Variants in NUP210L observed in about 807,000 individuals in gnomAD.
The protein encoded by NUP210L is nuclear pore membrane glycoprotein 210-like.
A neutral mutation model predicts 208.5 loss-of-function variants in NUP210L; 74 were observed. The observed-to-expected ratio is 0.35, with a 90% CI of 0.29 to 0.43. The LOEUF (loss-of-function observed/expected upper bound fraction) is 0.43, where lower values mean the gene tolerates loss of function less well. NUP210L is among the 20% of genes least tolerant of loss of function. The pLI is 1.00. For synonymous variants in NUP210L, 780 were observed against 816.9 expected, an observed-to-expected ratio of 0.95 and a Z score of 0.77; for missense variants, 1,843 against 2,289.4, an observed-to-expected ratio of 0.81 and a Z score of 3.98.
At chr1:154,139,709 C>A in intron 5 of NUP210L, 93 bp downstream of exon 5, 4 of 854,936 alleles carry the variant, frequency 4.7e-6, no homozygotes, top group South Asian at 1.8e-5. Flanking sequence ...AAAAACAGGG[C>A]GGGTAGTGCA....
At chr1:154,031,316 C>T (rs1652203945) in intron 27 of NUP210L, among the ~76,000 whole-genome samples, 1 of 152,158 alleles carries the variant, frequency 6.6e-6, no homozygotes, top group Non-Finnish European at 1.5e-5. Flanking sequence ...TCTCGAACTC[C>T]TGACCTCAGA....
At chr1:154,050,355 A>AAGG (rs1460229543) in intron 25 of NUP210L, among the ~76,000 whole-genome samples, 1 of 152,216 alleles carries the variant, frequency 6.6e-6, no homozygotes, top group Admixed American at 6.5e-5. Context: ...ACAATTAACA[A>AAGG]AGGAGGCTGA....
chr1:154,138,451 A>G (rs1658660967), intron 5 of NUP210L, among the ~76,000 whole-genome samples: 1 of 152,218 alleles, frequency 6.6e-6, no homozygotes, highest in Admixed American at 6.5e-5. Context: ...TAAGATACTC[A>G]GACTTAGAAC....
intron 5 of NUP210L, 111 bp downstream of exon 5, chr1:154,139,687 CAAAA>C (rs879154434): frequency 9.8e-4 from 533 of 541,148 alleles, no homozygotes; most frequent in Middle Eastern, 1.6e-3. Flanking sequence ...AACAAACAAA[CAAAA>C]AAAAAAAAAA....
intron 15 of NUP210L, among the ~76,000 whole-genome samples, chr1:154,094,504 TA>T (rs1656090435): frequency 2.0e-5 from 3 of 152,170 alleles, no homozygotes; most frequent in Non-Finnish European, 4.4e-5. Context: ...CTGATAGAGA[TA>T]AAATATATTT....
At chr1:154,140,361 A>AAAAAAG (rs1221526682) in intron 4 of NUP210L, among the ~76,000 whole-genome samples, 6 of 144,392 alleles carry the variant, frequency 4.2e-5, no homozygotes, top group Non-Finnish European at 9.1e-5. Flanking sequence ...AAAAAAAAAA[A>AAAAAAG]AAAAAGAAAA....
chr1:154,058,741 A>G (rs4845591), intron 20 of NUP210L, 48 bp from the exon 21 acceptor site: 133,347 of 1,588,366 alleles, frequency 0.084, 9,903 homozygotes, highest in African/African-American at 0.33. Flanking sequence ...ACATGCTCCA[A>G]GCATAATCAA....
At chr1:154,019,795 G>A (rs981278076) in intron 32 of NUP210L, among the ~76,000 whole-genome samples, 4 of 151,982 alleles carry the variant, frequency 2.6e-5, no homozygotes, top group South Asian at 2.1e-4. Flanking sequence ...GCGTGGTGGC[G>A]CATGCCTCTA....
At chr1:154,095,656 A>G (rs1656143006) in intron 14 of NUP210L, among the ~76,000 whole-genome samples, 1 of 152,126 alleles carries the variant, frequency 6.6e-6, no homozygotes. Flanking sequence ...CTGCATAAGC[A>G]TTTTTTTCAG....
intron 37 of NUP210L, among the ~76,000 whole-genome samples, chr1:154,000,438 T>G (rs888869414): frequency 1.3e-5 from 2 of 152,212 alleles, no homozygotes; most frequent in Non-Finnish European, 2.9e-5. Context: ...CTTTCCAGCT[T>G]CTTTTTGGCA....
At chr1:154,121,017 ATCT>A (rs371939420) in intron 10 of NUP210L, among the ~76,000 whole-genome samples, 9 of 152,192 alleles carry the variant, frequency 5.9e-5, no homozygotes, top group African/African-American at 2.2e-4. Context: ...TGGTAGTGAG[ATCT>A]TCTTCAAGGA....
intron 27 of NUP210L, among the ~76,000 whole-genome samples, chr1:154,033,994 G>C (rs1019109830): frequency 6.6e-6 from 1 of 152,058 alleles, no homozygotes; most frequent in African/African-American, 2.4e-5. Context: ...CATGATCTCA[G>C]CTCACTGCAA....
rs541813574 is a variant in NUP210L, at chr1:154,103,683, A to G, written c.1819+329T>C. On this transcript the variant is annotated intron_variant, in intron 13 of 39. Coordinates refer to ENST00000368559, the Ensembl canonical transcript of NUP210L. ...CGAGACTCCGTCTCAAAAAAAAAAA[A>G]AAAAAGAAAAAAAAAAACAAAAGCG... Among the ~76,000 whole-genome samples, 220 of 150,654 alleles carry G rather than the reference A, an allele frequency of 1.5e-3. 1 individual carries two copies. The highest frequency in any genetic ancestry group is 4.4e-3 in the African/African-American group (181 of 41,344).
At chr1:154,126,675 T>C (rs1657996096) in intron 9 of NUP210L, among the ~76,000 whole-genome samples, 1 of 152,144 alleles carries the variant, frequency 6.6e-6, no homozygotes, top group South Asian at 2.1e-4. Context: ...ATGGCAAACA[T>C]CAGGAATAGC....
intron 33 of NUP210L, among the ~76,000 whole-genome samples, chr1:154,018,125 C>T (rs1457848827): frequency 6.6e-6 from 1 of 151,954 alleles, no homozygotes; most frequent in Non-Finnish European, 1.5e-5. Flanking sequence ...ATGTGAGCCA[C>T]CAGGCCCGGC....
At chr1:153,995,835 CA>C in intron 37 of NUP210L, 1 of 613,566 alleles carries the variant, frequency 1.6e-6, no homozygotes. Flanking sequence ...CGAGATTGTC[CA>C]AAACAACATG....
chr1:154,018,922 G>A lies in NUP210L; in HGVS notation c.4653+11C>T. On this transcript the variant is annotated intron_variant, in intron 33 of 39. Transcript: ENST00000368559. ...CCCTAGTCTCTTAAACTCTGATACA[G>A]TTATGTTTACCTCTCGATATGTTTT... 6.2e-7 allele frequency: 1 copy of A among 1,613,736 alleles called. No individual in the cohort carries two copies. Among genetic ancestry groups the A allele is most frequent in the East Asian group, 2.2e-5 (1 of 44,884 alleles).
At chr1:154,046,362 A>G (rs767238998) in exon 26 of NUP210L, 1 of 1,613,978 alleles carries the variant, frequency 6.2e-7, no homozygotes, top group Non-Finnish European at 8.5e-7. Flanking sequence ...TTCAATCTGT[A>G]CTTCATCCTG....
exon 1 of NUP210L, chr1:154,155,052 G>A: frequency 6.3e-7 from 1 of 1,591,650 alleles, no homozygotes; most frequent in South Asian, 1.1e-5. Context: ...CATGGCGACT[G>A]CCAGGTCTCG....
Sources: gnomAD v4.1 joint callset for allele counts (sites outside exome capture counted in the v4.1 genomes callset) on GRCh38, gnomAD v4.1.1 for gene constraint, MANE v1.5 for transcripts, NCBI Gene and HGNC (gene_info 2026-07-23, HGNC 2026-07-21) for gene names.